Variants in LARGE1 observed in about 807,000 individuals in gnomAD.
The protein encoded by LARGE1 is LARGE xylosyl- and glucuronyltransferase 1.
In LARGE1, 43 loss-of-function variants were observed where a neutral mutation model predicts 87.6. The observed-to-expected ratio is 0.49, with a 90% confidence interval of 0.38 to 0.63. The LOEUF is 0.63. Among genes scored for constraint, LARGE1 ranks in the 30% least tolerant of loss-of-function variants. LARGE1 has a pLI of 0.00. For missense variants in LARGE1, 802 were observed against 1,000.2 expected, an observed-to-expected ratio of 0.80 and a Z score of 2.67; for synonymous variants, 434 against 394.6, an observed-to-expected ratio of 1.10 and a Z score of -1.18.
At chr22:33,309,120 G>A (rs775176936) in intron 11 of LARGE1, among the ~76,000 whole-genome samples, 4 of 151,974 alleles carry the variant, frequency 2.6e-5, no homozygotes, top group South Asian at 2.1e-4. Flanking sequence ...AGGTTTGATT[G>A]GGGGGTGATT....
chr22:33,782,271 C>T (rs189509442), intron 1 of LARGE1, among the ~76,000 whole-genome samples: 176 of 152,200 alleles, frequency 1.2e-3, no homozygotes, highest in African/African-American at 4.1e-3. Flanking sequence ...TAGCCCCTAT[C>T]CTTTATGTCT....
At chr22:33,197,170 A>G (rs1302150805) in intron 11 of LARGE1, among the ~76,000 whole-genome samples, 3 of 149,524 alleles carry the variant, frequency 2.0e-5, no homozygotes, top group South Asian at 2.1e-4. Context: ...AGCTACAAAA[A>G]TCCCACTGCC....
chr22:33,382,110 C>A, intron 8 of LARGE1, 66 bp from the exon 9 acceptor site: 2 of 1,602,156 alleles, frequency 1.2e-6, no homozygotes, highest in South Asian at 2.2e-5. Context: ...TTTTGGCTCT[C>A]AAGGCACTGC....
intron 1 of LARGE1, among the ~76,000 whole-genome samples, chr22:33,793,147 A>G (rs1277024541): frequency 2.6e-5 from 4 of 152,214 alleles, no homozygotes; most frequent in African/African-American, 7.2e-5. Flanking sequence ...TCAATGTGGC[A>G]TTATTATTCA....
At chr22:33,847,340 T>G (rs1371840948) in intron 1 of LARGE1, among the ~76,000 whole-genome samples, 3 of 152,230 alleles carry the variant, frequency 2.0e-5, no homozygotes, top group Non-Finnish European at 4.4e-5. Flanking sequence ...CTTATCCATC[T>G]TCCAAAATGT....
chr22:33,310,566 C>A (rs1284065324), intron 11 of LARGE1, among the ~76,000 whole-genome samples: 1 of 152,142 alleles, frequency 6.6e-6, no homozygotes, highest in African/African-American at 2.4e-5. Context: ...CGAAGGCCGG[C>A]TCTCCTAATT....
chr22:33,210,203 C>CA, intron 11 of LARGE1, among the ~76,000 whole-genome samples: 1 of 152,364 alleles, frequency 6.6e-6, no homozygotes, highest in East Asian at 1.9e-4. Flanking sequence ...TGGTCCTTGA[C>CA]CCAGGGGTCC....
intron 2 of LARGE1, among the ~76,000 whole-genome samples, chr22:33,741,487 T>C (rs952513979): frequency 1.3e-5 from 2 of 152,228 alleles, no homozygotes; most frequent in African/African-American, 4.8e-5. Flanking sequence ...CTGGATTAGT[T>C]GCAAACATTT....
At chr22:33,279,292 G>C (rs1254763612) in intron 13 of LARGE1, among the ~76,000 whole-genome samples, 1 of 152,158 alleles carries the variant, frequency 6.6e-6, no homozygotes, top group Non-Finnish European at 1.5e-5. Context: ...ATGAAAACAA[G>C]ACAGAAGGGT....
At chr22:33,501,721 C>T (rs1293381078) in intron 6 of LARGE1, among the ~76,000 whole-genome samples, 2 of 152,340 alleles carry the variant, frequency 1.3e-5, no homozygotes, top group East Asian at 3.9e-4. Context: ...TGACTCTCCA[C>T]TCACCCAGGC....
intron 9 of LARGE1, among the ~76,000 whole-genome samples, chr22:33,371,614 C>G (rs761713810): frequency 6.6e-6 from 1 of 152,102 alleles, no homozygotes; most frequent in South Asian, 2.1e-4. Flanking sequence ...AATGATGATT[C>G]GCTTTGTGTA....
chr22:33,911,975 CACAAA>C (rs2065651531), intron 1 of LARGE1, among the ~76,000 whole-genome samples: 1 of 152,222 alleles, frequency 6.6e-6, no homozygotes, highest in Non-Finnish European at 1.5e-5. Flanking sequence ...ACCATTCATT[CACAAA>C]ACAAATCATT....
chr22:33,674,915 G>A (rs1461294149), intron 2 of LARGE1, among the ~76,000 whole-genome samples: 1 of 152,036 alleles, frequency 6.6e-6, no homozygotes, highest in Non-Finnish European at 1.5e-5. Flanking sequence ...AGGAGAGGGA[G>A]TGTATGTTTT....
At chr22:33,852,912 T>C (rs1057102160) in intron 1 of LARGE1, among the ~76,000 whole-genome samples, 2 of 129,618 alleles carry the variant, frequency 1.5e-5, no homozygotes, top group African/African-American at 5.7e-5. Flanking sequence ...TGATAAGTGC[T>C]ATGAAAATAA....
At chr22:33,072,319 T>C in the LARGE1 span, among the ~76,000 whole-genome samples, 1 of 151,672 alleles carries the variant, frequency 6.6e-6, no homozygotes, top group Admixed American at 6.6e-5. Flanking sequence ...GAGGAGGAGA[T>C]GTCTGTATGG....
intron 11 of LARGE1, among the ~76,000 whole-genome samples, chr22:33,256,606 T>C (rs1602156848): frequency 6.6e-6 from 1 of 152,160 alleles, no homozygotes; most frequent in East Asian, 1.9e-4. Context: ...TCCATTCCCA[T>C]ATTAATTATT....
intron 2 of LARGE1, among the ~76,000 whole-genome samples, chr22:33,731,666 C>G (rs1279478325): frequency 1.3e-5 from 2 of 152,132 alleles, no homozygotes; most frequent in Non-Finnish European, 2.9e-5. Context: ...GTTAACAATA[C>G]TGTATCGTAG....
intron 9 of LARGE1, among the ~76,000 whole-genome samples, chr22:33,364,121 C>A (rs2064492088): frequency 6.6e-6 from 1 of 151,622 alleles, no homozygotes; most frequent in Non-Finnish European, 1.5e-5. Flanking sequence ...GTGGCGCAAT[C>A]TCGGCTCACT....
At chr22:33,871,576 G>T (rs2064283031) in intron 1 of LARGE1, among the ~76,000 whole-genome samples, 1 of 152,130 alleles carries the variant, frequency 6.6e-6, no homozygotes, top group Non-Finnish European at 1.5e-5. Context: ...TAGAGCATCT[G>T]GAACCAGACC....
Sources: gnomAD v4.1 joint callset for allele counts (sites outside exome capture counted in the v4.1 genomes callset) on GRCh38, gnomAD v4.1.1 for gene constraint, MANE v1.5 for transcripts, NCBI Gene and HGNC (gene_info 2026-07-23, HGNC 2026-07-21) for gene names.